Variants in AOPEP observed in about 807,000 individuals in gnomAD.
AOPEP encodes aminopeptidase O (putative).
Under a neutral mutation model 98.1 loss-of-function variants are expected in AOPEP, and 77 were observed. That is an observed-to-expected ratio of 0.78 (90% CI 0.65 to 0.95). AOPEP has a LOEUF of 0.95. Among genes scored for constraint, AOPEP ranks in the 40% least tolerant of loss-of-function variants. The pLI is 0.00. For synonymous variants in AOPEP, 346 were observed against 365.3 expected (o/e 0.95, Z 0.60); for missense variants, 1,024 against 1,024.7 (o/e 1.00, Z 0.01).
At chr9:94,896,165 C>T (rs909300839) in intron 5 of AOPEP, among the ~76,000 whole-genome samples, 4 of 151,908 alleles carry the variant, frequency 2.6e-5, no homozygotes, top group African/African-American at 4.8e-5. Context: ...CAATACAACT[C>T]GATAAGATGG....
intron 5 of AOPEP, among the ~76,000 whole-genome samples, chr9:94,888,530 T>C (rs932167785): frequency 1.3e-5 from 2 of 152,202 alleles, no homozygotes; most frequent in African/African-American, 4.8e-5. Context: ...GTCTTGTCAA[T>C]GTATCAAGAT....
intron 5 of AOPEP, among the ~76,000 whole-genome samples, chr9:94,853,226 G>A (rs1294154763): frequency 6.6e-6 from 1 of 152,202 alleles, no homozygotes; most frequent in Non-Finnish European, 1.5e-5. Context: ...TTGGGAGGCC[G>A]ACGTGGGCAG....
chr9:95,034,489 T>C (rs1301672891), intron 13 of AOPEP, among the ~76,000 whole-genome samples: 1 of 152,214 alleles, frequency 6.6e-6, no homozygotes, highest in Admixed American at 6.5e-5. Context: ...TGTTATAATT[T>C]GAGAATTATA....
intron 13 of AOPEP, among the ~76,000 whole-genome samples, chr9:95,053,479 A>G (rs1203332570): frequency 6.6e-6 from 1 of 152,186 alleles, no homozygotes; most frequent in East Asian, 1.9e-4. Flanking sequence ...ACCATATAGG[A>G]TGTTTTGATT....
chr9:94,821,361 A>G (rs1853086177), intron 5 of AOPEP, among the ~76,000 whole-genome samples: 1 of 152,192 alleles, frequency 6.6e-6, no homozygotes, highest in Admixed American at 6.5e-5. Flanking sequence ...AAGGGAAATC[A>G]TATTTTACCA....
At chr9:94,850,795 C>G (rs998106773) in intron 5 of AOPEP, among the ~76,000 whole-genome samples, 3 of 152,208 alleles carry the variant, frequency 2.0e-5, no homozygotes, top group Non-Finnish European at 2.9e-5. Context: ...GTGAGTTCAT[C>G]CTGGTTCATC....
At chr9:94,777,913 C>T (rs997014848) in intron 3 of AOPEP, among the ~76,000 whole-genome samples, 2 of 151,796 alleles carry the variant, frequency 1.3e-5, no homozygotes, top group East Asian at 1.9e-4. Flanking sequence ...TGTGAGCCAC[C>T]GTGCCTGGCC....
At chr9:94,750,562 C>T (rs557560455) in intron 1 of AOPEP, among the ~76,000 whole-genome samples, 4 of 151,726 alleles carry the variant, frequency 2.6e-5, no homozygotes, top group East Asian at 3.9e-4. Flanking sequence ...TCCAGCCTGG[C>T]GACAGAGCGA....
chr9:94,806,810 C>T (rs1376484134), intron 5 of AOPEP, among the ~76,000 whole-genome samples: 2 of 152,136 alleles, frequency 1.3e-5, no homozygotes, highest in Admixed American at 6.5e-5. Flanking sequence ...CCACTTTGTA[C>T]TAAGCAAGGT....
At chr9:94,918,455 A>C (rs530794064) in intron 5 of AOPEP, among the ~76,000 whole-genome samples, 2 of 152,308 alleles carry the variant, frequency 1.3e-5, no homozygotes, top group South Asian at 4.1e-4. Context: ...AGTAGTGAGC[A>C]TGAAGCCCAT....
At chr9:94,780,494 C>T (rs356145) in intron 3 of AOPEP, among the ~76,000 whole-genome samples, 6,156 of 152,214 alleles carry the variant, frequency 0.04, 164 homozygotes, top group Admixed American at 0.072. Context: ...GAGAATTAAG[C>T]TAGACAAGAT....
At chr9:94,989,396 C>T (rs2060736013) in intron 11 of AOPEP, among the ~76,000 whole-genome samples, 1 of 151,868 alleles carries the variant, frequency 6.6e-6, no homozygotes, top group African/African-American at 2.4e-5. Flanking sequence ...GCCACCGCGC[C>T]CAGCTAATTT....
the AOPEP span, among the ~76,000 whole-genome samples, chr9:95,130,053 A>G: frequency 6.6e-6 from 1 of 152,204 alleles, no homozygotes; most frequent in Non-Finnish European, 1.5e-5. Flanking sequence ...CCATGGTCTC[A>G]GTGCCTGTTT....
rs568726217 is a variant in AOPEP at position 94,952,751 on chromosome 9, C to A, written c.1662-2426C>A. Among the ~76,000 whole-genome samples, 12 of 152,328 alleles carry A rather than the reference C, an allele frequency of 7.9e-5. No homozygotes were observed. In the East Asian group the frequency reaches 2.3e-3, roughly 29 times the overall value. On this transcript the variant is annotated intron_variant, in intron 7 of 16. Coordinates refer to ENST00000375315, the MANE Select transcript of AOPEP (RefSeq NM_001193329.3). ...CCACCCCCTCTGATTTCTTGCAAAG[C>A]TTGCCTGTGCACTGCCCTCTCCAGC...
intron 10 of AOPEP, among the ~76,000 whole-genome samples, chr9:94,978,700 C>T (rs2059997385): frequency 6.6e-6 from 1 of 152,090 alleles, no homozygotes; most frequent in Non-Finnish European, 1.5e-5. Context: ...AAGGACACAG[C>T]CGGAGATCTG....
At chr9:94,762,275 GTC>G (rs770565484) in intron 2 of AOPEP, among the ~76,000 whole-genome samples, 34 of 151,786 alleles carry the variant, frequency 2.2e-4, no homozygotes, top group Non-Finnish European at 4.7e-4. Context: ...GTGAAACCCT[GTC>G]TCTACTAAAA....
At chr9:94,843,896 T>A (rs1346364790) in intron 5 of AOPEP, among the ~76,000 whole-genome samples, 2 of 152,194 alleles carry the variant, frequency 1.3e-5, no homozygotes, top group African/African-American at 2.4e-5. Flanking sequence ...ATTGCTATCT[T>A]TTTGTTGGTA....
At chr9:94,902,676 CTG>C (rs898022553) in intron 5 of AOPEP, among the ~76,000 whole-genome samples, 54 of 152,098 alleles carry the variant, frequency 3.6e-4, no homozygotes, top group African/African-American at 1.3e-3. Flanking sequence ...TAGAAATATG[CTG>C]TGTGTGTGTA....
the AOPEP span, chr9:95,149,918 C>T: frequency 1.9e-6 from 3 of 1,594,176 alleles, no homozygotes. Flanking sequence ...ACATTTGCCA[C>T]TTACAGCAAA....
Sources: allele counts gnomAD v4.1 joint callset (sites outside exome capture counted in the v4.1 genomes callset), GRCh38; gene constraint gnomAD v4.1.1; transcripts MANE v1.5; gene names NCBI Gene and HGNC (gene_info 2026-07-23, HGNC 2026-07-21).